Variants in KIAA0232 observed in about 807,000 individuals in gnomAD.
KIAA0232 encodes the protein uncharacterized protein KIAA0232.
KIAA0232 carries 27 observed loss-of-function variants against 122.0 expected under a neutral mutation model. The ratio of observed to expected loss-of-function variants is 0.22; its 90% CI spans 0.16 to 0.31. The LOEUF is 0.31. KIAA0232 is among the 10% of genes least tolerant of loss of function. The pLI is 1.00. For synonymous variants in KIAA0232, 613 were observed against 587.6 expected (o/e 1.04, Z -0.63); for missense variants, 1,551 against 1,634.2 (o/e 0.95, Z 0.88).
intron 3 of KIAA0232, among the ~76,000 whole-genome samples, chr4:6,841,100 A>T: frequency 6.6e-6 from 1 of 152,214 alleles, no homozygotes; most frequent in South Asian, 2.1e-4. Context: ...ATGTTTCTTA[A>T]TTCAACCTAA....
intron 2 of KIAA0232, among the ~76,000 whole-genome samples, chr4:6,809,550 A>G (rs1462809733): frequency 6.6e-6 from 1 of 152,218 alleles, no homozygotes; most frequent in Non-Finnish European, 1.5e-5. Context: ...TATGAGAAGG[A>G]TATAAACCTT....
At chr4:6,808,244 T>C (rs1717723753) in intron 2 of KIAA0232, among the ~76,000 whole-genome samples, 1 of 151,990 alleles carries the variant, frequency 6.6e-6, no homozygotes, top group African/African-American at 2.4e-5. Flanking sequence ...TATGCTCTTT[T>C]CTATATTCTT....
chr4:6,802,240 TG>T (rs1560164455), intron 1 of KIAA0232, among the ~76,000 whole-genome samples: 1 of 152,156 alleles, frequency 6.6e-6, no homozygotes, highest in Non-Finnish European at 1.5e-5. Context: ...CGGCTTGGGC[TG>T]GGTAGCCAGG....
chr4:6,874,707 C>A (rs1160741098), intron 8 of KIAA0232, among the ~76,000 whole-genome samples: 2 of 152,140 alleles, frequency 1.3e-5, no homozygotes, highest in Non-Finnish European at 2.9e-5. Flanking sequence ...GCTGACTGAG[C>A]CTTTCTGTGC....
At chr4:6,811,688 G>A (rs574940916) in intron 2 of KIAA0232, among the ~76,000 whole-genome samples, 3 of 150,536 alleles carry the variant, frequency 2.0e-5, no homozygotes, top group Non-Finnish European at 2.9e-5. Context: ...CAAACAGTCC[G>A]TCCGCCTCGG....
intron 2 of KIAA0232, among the ~76,000 whole-genome samples, chr4:6,805,857 G>T (rs1381587856): frequency 1.3e-5 from 2 of 152,004 alleles, no homozygotes; most frequent in Non-Finnish European, 2.9e-5. Flanking sequence ...ATCTGTAGAT[G>T]TTTCCATTTT....
intron 3 of KIAA0232, among the ~76,000 whole-genome samples, chr4:6,839,265 C>T (rs980779722): frequency 1.2e-4 from 19 of 152,090 alleles, no homozygotes; most frequent in African/African-American, 4.6e-4. Flanking sequence ...TTTGCATTAG[C>T]ACTTACGTTA....
At chr4:6,842,291 A>AC in intron 4 of KIAA0232, 87 bp downstream of exon 4, 1 of 1,326,710 alleles carries the variant, frequency 7.5e-7, no homozygotes, top group Non-Finnish European at 1.0e-6. Flanking sequence ...ACCTCCAAAA[A>AC]CTGGGAAAAC....
chr4:6,789,204 C>G (rs1179424618), intron 1 of KIAA0232, among the ~76,000 whole-genome samples: 1 of 151,932 alleles, frequency 6.6e-6, no homozygotes, highest in Non-Finnish European at 1.5e-5. Context: ...ATCTCCTGAC[C>G]TCGTGGTCTG....
chr4:6,844,985 C>T (rs144434561), intron 4 of KIAA0232, among the ~76,000 whole-genome samples: 361 of 152,334 alleles, frequency 2.4e-3, no homozygotes, highest in Non-Finnish European at 3.6e-3. Context: ...AAGTCACTTT[C>T]GGTAACAACC....
intron 4 of KIAA0232, among the ~76,000 whole-genome samples, chr4:6,846,150 A>T (rs1560189839): frequency 6.6e-6 from 1 of 152,230 alleles, no homozygotes; most frequent in African/African-American, 2.4e-5. Context: ...GATTTTTAAA[A>T]ATCTCACCAA....
At chr4:6,865,127 T>A (rs111779950) in intron 7 of KIAA0232, among the ~76,000 whole-genome samples, 2 of 152,186 alleles carry the variant, frequency 1.3e-5, no homozygotes, top group African/African-American at 4.8e-5. Flanking sequence ...TCATTGTACC[T>A]CTCCACTGTA....
intron 2 of KIAA0232, among the ~76,000 whole-genome samples, chr4:6,822,199 C>G (rs1371407594): frequency 1.3e-5 from 2 of 151,978 alleles, no homozygotes; most frequent in African/African-American, 4.8e-5. Flanking sequence ...TGGAAAAGTT[C>G]AGCTGGTGAA....
At chr4:6,845,240 G>A (rs960701274) in intron 4 of KIAA0232, among the ~76,000 whole-genome samples, 5 of 152,250 alleles carry the variant, frequency 3.3e-5, no homozygotes, top group African/African-American at 1.2e-4. Context: ...GATAAGCCCT[G>A]GTGAGGGGGC....
At position 6,861,098 on chromosome 4, in the gene KIAA0232, T is replaced by G. The variant is rs1289623009; in HGVS notation, c.716T>G (p.Val239Gly). The G allele has an allele frequency of 6.2e-7, 1 of 1,614,126 alleles. No individual in the cohort carries two copies. The highest frequency in any genetic ancestry group is 1.1e-5 in the South Asian group (1 of 91,084). The change falls in exon 7 of 10, where the codon GTA (valine) becomes GGA (glycine). Residue 239 changes from valine to glycine, a missense_variant. By Grantham distance (109) the Val-to-Gly change is moderately radical (BLOSUM62 -3). Transcript: ENST00000307659. ...GTCACCAAGGAAAGAAGCAGTGAAGTACCCACCACTGTGCATGAGAAAACC... is the reference window on the plus strand; with the variant it reads ...GTCACCAAGGAAAGAAGCAGTGAAGGACCCACCACTGTGCATGAGAAAACC... ...SEVTKERSSE[V>G]PTTVHEKTQS...
At chr4:6,841,239 G>A (rs930113569) in intron 3 of KIAA0232, among the ~76,000 whole-genome samples, 1 of 152,184 alleles carries the variant, frequency 6.6e-6, no homozygotes, top group East Asian at 1.9e-4. Context: ...TTTATCATGG[G>A]TAAGTTGTCC....
intron 3 of KIAA0232, among the ~76,000 whole-genome samples, chr4:6,831,001 G>A (rs1373207743): frequency 1.3e-5 from 2 of 151,854 alleles, no homozygotes; most frequent in East Asian, 3.9e-4. Flanking sequence ...AACTACCTTT[G>A]TACAAAGTAG....
At chr4:6,825,572 CGAGAGA>C (rs111362007) in intron 3 of KIAA0232, among the ~76,000 whole-genome samples, 9 of 147,182 alleles carry the variant, frequency 6.1e-5, no homozygotes, top group Non-Finnish European at 9.0e-5. Flanking sequence ...CACGCATACA[CGAGAGA>C]GAGAGAGAGA....
At chr4:6,803,460 G>A (rs920232976) in intron 1 of KIAA0232, among the ~76,000 whole-genome samples, 3 of 152,068 alleles carry the variant, frequency 2.0e-5, no homozygotes, top group African/African-American at 7.2e-5. Context: ...CTGGTAGTTA[G>A]GTAATAGTTG....
Sources: gnomAD v4.1 joint callset for allele counts (sites outside exome capture counted in the v4.1 genomes callset) on GRCh38, gnomAD v4.1.1 for gene constraint, MANE v1.5 for transcripts, NCBI Gene and HGNC (gene_info 2026-07-23, HGNC 2026-07-21) for gene names.